The following NFASC variants were observed in gnomAD, a reference collection of about 807,000 sequenced individuals.
NFASC encodes neurofascin.
In NFASC, 43 loss-of-function variants were observed where a neutral mutation model predicts 147.5. The ratio of observed to expected loss-of-function variants is 0.29; its 90% CI spans 0.23 to 0.38. NFASC has a LOEUF of 0.38. Among genes scored for constraint, NFASC ranks in the 10% least tolerant of loss-of-function variants. NFASC has a pLI of 1.00. For missense variants in NFASC, 1,320 were observed against 1,689.0 expected (o/e 0.78, Z 3.83); for synonymous variants, 622 against 665.5 (o/e 0.93, Z 1.01).
chr1:204,833,680 T>G (rs79838867), intron 1 of NFASC, among the ~76,000 whole-genome samples: 1,758 of 152,272 alleles, frequency 0.012, 28 homozygotes, highest in African/African-American at 0.039. Flanking sequence ...AGGGTCTAAT[T>G]AAATCTTCAT....
intron 8 of NFASC, 116 bp downstream of exon 8, chr1:204,957,942 A>T: frequency 1.1e-6 from 1 of 932,770 alleles, no homozygotes; most frequent in Non-Finnish European, 1.7e-6. Context: ...CTGACCTAGA[A>T]ATCCTTCCAG....
At chr1:204,918,092 TG>T (rs2089682633) in intron 1 of NFASC, among the ~76,000 whole-genome samples, 2 of 152,218 alleles carry the variant, frequency 1.3e-5, no homozygotes, top group Admixed American at 1.3e-4. Context: ...CAGTAAATCT[TG>T]TTTCCAAGCA....
chr1:204,846,358 C>T (rs1677036594), intron 1 of NFASC, among the ~76,000 whole-genome samples: 1 of 152,070 alleles, frequency 6.6e-6, no homozygotes, highest in Admixed American at 6.6e-5. Flanking sequence ...GTCCTTATAC[C>T]CTTGTTCCAC....
intron 1 of NFASC, among the ~76,000 whole-genome samples, chr1:204,895,429 C>T (rs2083207020): frequency 6.6e-6 from 1 of 152,198 alleles, no homozygotes. Flanking sequence ...GGGATTGGCT[C>T]TGAACATGTC....
chr1:204,962,165 C>T (rs751323357), intron 8 of NFASC: 39 of 1,610,736 alleles, frequency 2.4e-5, no homozygotes, highest in East Asian at 2.0e-4. Flanking sequence ...AGTGGTGAGT[C>T]GCAGCGGTAA....
At position 204,986,142 on chromosome 1, in the gene NFASC, T is replaced by A; in HGVS notation, c.2471-1276T>A. 6.4e-7 allele frequency: 1 copy of A among 1,551,318 alleles called. No individual in the cohort carries two copies. Among genetic ancestry groups the A allele is most frequent in the Non-Finnish European group, 8.9e-7 (1 of 1,123,074 alleles). ...AGGTCTGGCCTGCAGCTCTTCAGGG[T>A]GGGGCAGGAGAAGGGTGGCACACAC... On this transcript the variant is annotated intron_variant, in intron 21 of 29. Coordinates refer to ENST00000339876, the MANE Select transcript of NFASC (RefSeq NM_001005388.3). The surrounding 1 kb of genome is among the most constrained non-coding windows in gnomAD (Gnocchi z 4.2).
chr1:204,869,661 G>A (rs1415760042), intron 1 of NFASC, among the ~76,000 whole-genome samples: 2 of 152,142 alleles, frequency 1.3e-5, no homozygotes, highest in Admixed American at 6.6e-5. Context: ...GGAAACTGAG[G>A]CACAGTTTCC....
chr1:204,950,801 C>G (rs2094054451), intron 4 of NFASC, among the ~76,000 whole-genome samples: 1 of 152,110 alleles, frequency 6.6e-6, no homozygotes, highest in South Asian at 2.1e-4. Context: ...GTCATTGGAT[C>G]GAAGCTCATG....
At chr1:204,900,815 G>A (rs1020641847) in intron 1 of NFASC, among the ~76,000 whole-genome samples, 8 of 152,122 alleles carry the variant, frequency 5.3e-5, no homozygotes, top group African/African-American at 1.4e-4. Flanking sequence ...GAGAGTAGTA[G>A]TAGAGGAATT....
chr1:204,842,442 C>CT (rs1229579485), intron 1 of NFASC, among the ~76,000 whole-genome samples: 4 of 152,004 alleles, frequency 2.6e-5, no homozygotes, highest in Admixed American at 6.6e-5. Context: ...CTTTCTCCTC[C>CT]TTTTTTCTCT....
chr1:204,975,761 T>C lies in NFASC; in HGVS notation c.1706+343T>C, dbSNP rs184633216. Among the ~76,000 whole-genome samples, 5 of 152,228 alleles carry C rather than the reference T, an allele frequency of 3.3e-5. No individual in the cohort carries two copies. The highest frequency in any genetic ancestry group is 9.6e-5 in the African/African-American group (4 of 41,536). ...TTGCCCCTGTCTTCTCTTTTCCTCC[T>C]TTGCTGCATCCCAGGCTCCAGCCTT... On this transcript the variant is annotated intron_variant, in intron 15 of 29. Coordinates refer to ENST00000339876, the MANE Select transcript of NFASC (RefSeq NM_001005388.3). This position sits in a 1 kb window ranked among gnomAD's most constrained non-coding sequence, Gnocchi z 4.0.
intron 1 of NFASC, among the ~76,000 whole-genome samples, chr1:204,904,353 C>T (rs1344939610): frequency 1.3e-5 from 2 of 152,168 alleles, no homozygotes; most frequent in Admixed American, 6.5e-5. Context: ...CCGTCTTGGT[C>T]TCCTAAAGTG....
chr1:204,831,752 G>A (rs1040779107), intron 1 of NFASC, among the ~76,000 whole-genome samples: 1 of 152,024 alleles, frequency 6.6e-6, no homozygotes, highest in Non-Finnish European at 1.5e-5. Flanking sequence ...ACGTAAGGCC[G>A]GTTTCATACT....
Position 204,968,242 on chromosome 1 carries a change from G to A in NFASC, c.707-7G>A, listed in dbSNP as rs968683793. The A allele has an allele frequency of 1.9e-6, 3 of 1,610,930 alleles. No individual in the cohort carries two copies. The highest frequency in any genetic ancestry group is 3.3e-5 in the Admixed American group (2 of 60,002). ...GGCTCATGGGAGTTTGTTCTCTCCT[G>A]TTTCAGCCCGAGGAGTTGCAGAAAG... On this transcript the variant is annotated splice_region_variant and splice_polypyrimidine_tract_variant and intron_variant, in intron 8 of 29. Transcript: ENST00000339876. The surrounding 1 kb of genome is among the most constrained non-coding windows in gnomAD (Gnocchi z 5.4).
At chr1:204,844,570 A>G (rs961454541) in intron 1 of NFASC, among the ~76,000 whole-genome samples, 1 of 152,184 alleles carries the variant, frequency 6.6e-6, no homozygotes, top group African/African-American at 2.4e-5. Flanking sequence ...TGGTAAAGAT[A>G]ACTACACAGG....
At chr1:204,843,686 T>C (rs553480927) in intron 1 of NFASC, among the ~76,000 whole-genome samples, 1,549 of 136,726 alleles carry the variant, frequency 0.011, 30 homozygotes, top group African/African-American at 0.039. Context: ...CTCCCTTCCT[T>C]TCTCCCTTTC....
chr1:204,926,066 C>CAAGGTGACATA (rs1322168868), intron 2 of NFASC, among the ~76,000 whole-genome samples: 2 of 151,122 alleles, frequency 1.3e-5, no homozygotes, highest in Non-Finnish European at 2.9e-5. Context: ...GTGACTTGCT[C>CAAGGTGACATA]AAGGTGACAT....
chr1:204,846,200 CAA>C (rs60005710), intron 1 of NFASC, among the ~76,000 whole-genome samples: 8 of 109,760 alleles, frequency 7.3e-5, no homozygotes, highest in Admixed American at 1.8e-4. Context: ...CCTGTCTATA[CAA>C]AAAAAAAAAA....
At chr1:204,900,643 G>A (rs1006084617) in intron 1 of NFASC, among the ~76,000 whole-genome samples, 1 of 152,144 alleles carries the variant, frequency 6.6e-6, no homozygotes, top group Admixed American at 6.5e-5. Flanking sequence ...AAGTGCTAGT[G>A]AGGTATAAAT....
Sources: gnomAD v4.1 joint callset for allele counts (sites outside exome capture counted in the v4.1 genomes callset) on GRCh38, gnomAD v4.1.1 for gene constraint, Gnocchi (gnomAD v3.1) non-coding constraint, MANE v1.5 for transcripts, NCBI Gene and HGNC (gene_info 2026-07-23, HGNC 2026-07-21) for gene names.